LINGO2: variants seen among roughly 807,000 people sequenced by gnomAD.
LINGO2 encodes the protein leucine-rich repeat and immunoglobulin-like domain-containing nogo receptor-interacting protein 2.
LINGO2 carries 14 observed loss-of-function variants against 30.6 expected under a neutral mutation model. The observed-to-expected ratio is 0.46, with a 90% confidence interval of 0.30 to 0.72. The LOEUF (loss-of-function observed/expected upper bound fraction) is 0.72. Among genes scored for constraint, LINGO2 ranks in the 30% least tolerant of loss-of-function variants. LINGO2 has a pLI of 0.07. For missense variants in LINGO2, 729 were observed against 751.7 expected (o/e 0.97, Z 0.35); for synonymous variants, 317 against 288.5 (o/e 1.10, Z -1.00).
the LINGO2 span, among the ~76,000 whole-genome samples, chr9:28,831,089 C>T: frequency 6.6e-6 from 1 of 152,170 alleles, no homozygotes; most frequent in East Asian, 1.9e-4. Context: ...ATTCTGCAAG[C>T]TACCCAAGTC....
the LINGO2 span, among the ~76,000 whole-genome samples, chr9:28,751,221 T>C: frequency 7.4e-6 from 1 of 134,838 alleles, no homozygotes; most frequent in East Asian, 2.2e-4. Flanking sequence ...AGCCCAGGAG[T>C]TCAAGGCTGC....
At chr9:28,513,280 T>C (rs1820488033) in intron 1 of LINGO2, among the ~76,000 whole-genome samples, 1 of 152,246 alleles carries the variant, frequency 6.6e-6, no homozygotes, top group Non-Finnish European at 1.5e-5. Flanking sequence ...ATTTATGCAC[T>C]AACTACTATG....
At chr9:29,152,318 C>T in the LINGO2 span, among the ~76,000 whole-genome samples, 1 of 151,920 alleles carries the variant, frequency 6.6e-6, no homozygotes, top group Non-Finnish European at 1.5e-5. Context: ...AGGTATATAC[C>T]CAAAGGAAAA....
chr9:28,663,609 A>G (rs570607100), intron 1 of LINGO2, among the ~76,000 whole-genome samples: 1 of 152,294 alleles, frequency 6.6e-6, no homozygotes, highest in South Asian at 2.1e-4. Context: ...CAAACCAAAA[A>G]CTGGAATAAG....
At chr9:28,589,047 A>C (rs900746685) in intron 1 of LINGO2, among the ~76,000 whole-genome samples, 20 of 152,164 alleles carry the variant, frequency 1.3e-4, no homozygotes, top group African/African-American at 4.8e-4. Context: ...CGAAGACAAA[A>C]ACCACATGAT....
chr9:28,072,604 T>C (rs1297341087), intron 4 of LINGO2, among the ~76,000 whole-genome samples: 1 of 152,194 alleles, frequency 6.6e-6, no homozygotes, highest in African/African-American at 2.4e-5. Flanking sequence ...TTCCTGACTT[T>C]AGCTTTTAAA....
At chr9:28,002,743 A>G (rs1248133974) in intron 5 of LINGO2, among the ~76,000 whole-genome samples, 1 of 152,098 alleles carries the variant, frequency 6.6e-6, no homozygotes, top group Non-Finnish European at 1.5e-5. Flanking sequence ...AAAAAAATCG[A>G]TTCCTAGCTA....
chr9:28,807,553 T>C, the LINGO2 span, among the ~76,000 whole-genome samples: 8 of 152,220 alleles, frequency 5.3e-5, no homozygotes. Context: ...AGCCATTATT[T>C]AGCCTATCTG....
chr9:28,469,564 G>A (rs1576736), intron 2 of LINGO2, among the ~76,000 whole-genome samples: 104,572 of 151,834 alleles, frequency 0.69, 36,074 homozygotes, highest in East Asian at 0.83. Flanking sequence ...TATTGAAAGC[G>A]GCAAGAGAAA....
intron 1 of LINGO2, among the ~76,000 whole-genome samples, chr9:28,651,906 C>T (rs937136623): frequency 6.6e-6 from 1 of 152,126 alleles, no homozygotes; most frequent in Admixed American, 6.6e-5. Flanking sequence ...GGTTTATTAC[C>T]TTTGTGCACA....
At chr9:28,828,232 C>T in the LINGO2 span, among the ~76,000 whole-genome samples, 1 of 151,874 alleles carries the variant, frequency 6.6e-6, no homozygotes, top group Admixed American at 6.6e-5. Flanking sequence ...GTTGTCTTAT[C>T]CTTTTTCATA....
chr9:28,237,167 T>G (rs1021704566), intron 4 of LINGO2, among the ~76,000 whole-genome samples: 1 of 150,970 alleles, frequency 6.6e-6, no homozygotes, highest in Non-Finnish European at 1.5e-5. Context: ...TTTTTTTGCA[T>G]GTTTGTTTGT....
At chr9:28,075,283 TA>T (rs1825591402) in intron 4 of LINGO2, among the ~76,000 whole-genome samples, 1 of 152,104 alleles carries the variant, frequency 6.6e-6, no homozygotes, top group Non-Finnish European at 1.5e-5. Context: ...TTCATGCTGA[TA>T]TAAGTAGCTT....
chr9:28,166,343 T>C (rs1828425932), intron 4 of LINGO2, among the ~76,000 whole-genome samples: 1 of 152,218 alleles, frequency 6.6e-6, no homozygotes, highest in African/African-American at 2.4e-5. Flanking sequence ...TGTCCGGTGC[T>C]ACTTACCAGC....
the LINGO2 span, among the ~76,000 whole-genome samples, chr9:28,925,875 T>C: frequency 6.6e-6 from 1 of 152,160 alleles, no homozygotes; most frequent in Non-Finnish European, 1.5e-5. Flanking sequence ...AGCAGTGAGT[T>C]TATGCCACAT....
intron 1 of LINGO2, among the ~76,000 whole-genome samples, chr9:28,538,477 T>A (rs1024534693): frequency 6.6e-6 from 1 of 152,064 alleles, no homozygotes; most frequent in Non-Finnish European, 1.5e-5. Flanking sequence ...AGTATAAAAA[T>A]AGAATGCATA....
the LINGO2 span, among the ~76,000 whole-genome samples, chr9:28,940,294 C>T: frequency 6.6e-6 from 1 of 152,128 alleles, no homozygotes; most frequent in Non-Finnish European, 1.5e-5. Context: ...ACTCCTCAGC[C>T]TGGCCTTCAA....
the LINGO2 span, among the ~76,000 whole-genome samples, chr9:29,036,597 A>T: frequency 6.6e-6 from 1 of 152,070 alleles, no homozygotes; most frequent in African/African-American, 2.4e-5. Context: ...TTCAACATGG[A>T]AGAGTGTACT....
At chr9:28,063,360 G>A (rs566757486) in intron 4 of LINGO2, among the ~76,000 whole-genome samples, 2 of 152,154 alleles carry the variant, frequency 1.3e-5, no homozygotes, top group African/African-American at 2.4e-5. Flanking sequence ...ATAGAGTCAT[G>A]TAATATATGC....
Sources: gnomAD v4.1 joint callset for allele counts (sites outside exome capture counted in the v4.1 genomes callset) on GRCh38, gnomAD v4.1.1 for gene constraint, MANE v1.5 for transcripts, NCBI Gene and HGNC (gene_info 2026-07-23, HGNC 2026-07-21) for gene names.